The following WWOX variants were observed in gnomAD, a reference collection of about 807,000 sequenced individuals.
The protein encoded by WWOX is WW domain-containing oxidoreductase.
Under a neutral mutation model 46.2 loss-of-function variants are expected in WWOX, and 69 were observed. The ratio of observed to expected loss-of-function variants is 1.49; its 90% confidence interval spans 1.23 to 1.82. WWOX has a LOEUF of 1.82. Among genes scored for constraint, WWOX ranks in the 40% most tolerant of loss-of-function variants. WWOX has a pLI of 0.00. For synonymous variants in WWOX, 359 were observed against 202.6 expected (o/e 1.77, Z -6.56); for missense variants, 919 against 542.6 (o/e 1.69, Z -6.89).
At chr16:78,446,424 C>T (rs142854358) in intron 8 of WWOX, among the ~76,000 whole-genome samples, 265 of 152,200 alleles carry the variant, frequency 1.7e-3, no homozygotes, top group African/African-American at 6.1e-3. Flanking sequence ...CTGCCTCAGG[C>T]GGTTGTTGCA....
At chr16:78,799,373 A>G (rs2050826525) in intron 8 of WWOX, among the ~76,000 whole-genome samples, 1 of 152,212 alleles carries the variant, frequency 6.6e-6, no homozygotes, top group Non-Finnish European at 1.5e-5. Context: ...GTTAGCAAAC[A>G]CATGCTCACA....
chr16:78,932,677 G>C (rs899950194), intron 8 of WWOX, among the ~76,000 whole-genome samples: 1 of 152,216 alleles, frequency 6.6e-6, no homozygotes, highest in Admixed American at 6.5e-5. Flanking sequence ...CCCCATGGGA[G>C]GACCTGGTGG....
chr16:78,677,661 T>G (rs1389925336), intron 8 of WWOX, among the ~76,000 whole-genome samples: 2 of 152,168 alleles, frequency 1.3e-5, no homozygotes, highest in African/African-American at 2.4e-5. Context: ...TGTGGTGACT[T>G]TTTCCATCTC....
At chr16:78,947,348 C>T (rs1467903169) in intron 8 of WWOX, among the ~76,000 whole-genome samples, 2 of 151,416 alleles carry the variant, frequency 1.3e-5, no homozygotes, top group Admixed American at 1.3e-4. Flanking sequence ...TTTTTAAGCC[C>T]CTAGCTGCAT....
chr16:78,385,134 A>AACACAC (rs61262578), intron 5 of WWOX, among the ~76,000 whole-genome samples: 8,056 of 143,082 alleles, frequency 0.056, 290 homozygotes, highest in Middle Eastern at 0.1. Context: ...ACTCCATCTA[A>AACACAC]ACACACACAC....
intron 8 of WWOX, among the ~76,000 whole-genome samples, chr16:78,954,443 A>G (rs2046124266): frequency 6.6e-6 from 1 of 152,222 alleles, no homozygotes; most frequent in Non-Finnish European, 1.5e-5. Context: ...TAAATGATGC[A>G]TGGATAGATG....
At chr16:78,166,049 T>C (rs1268419300) in intron 5 of WWOX, among the ~76,000 whole-genome samples, 1 of 152,156 alleles carries the variant, frequency 6.6e-6, no homozygotes, top group African/African-American at 2.4e-5. Context: ...AATGGGAAGG[T>C]GAAAAATGAA....
chr16:79,188,555 T>C (rs2051065508), intron 8 of WWOX, among the ~76,000 whole-genome samples: 2 of 152,218 alleles, frequency 1.3e-5, no homozygotes, highest in Non-Finnish European at 2.9e-5. Flanking sequence ...TCCTTTTGTT[T>C]CACCTAATTT....
chr16:78,490,313 T>G (rs183572225), intron 8 of WWOX, among the ~76,000 whole-genome samples: 2 of 152,220 alleles, frequency 1.3e-5, no homozygotes, highest in East Asian at 3.9e-4. Flanking sequence ...TAACTCAGCG[T>G]TTAGTAACTT....
intron 8 of WWOX, among the ~76,000 whole-genome samples, chr16:78,596,186 C>G (rs953912979): frequency 6.6e-6 from 1 of 152,052 alleles, no homozygotes; most frequent in African/African-American, 2.4e-5. Flanking sequence ...GTGATATCAA[C>G]AAAACAAAAC....
chr16:79,041,705 G>T (rs796084866), intron 8 of WWOX, among the ~76,000 whole-genome samples: 1 of 152,160 alleles, frequency 6.6e-6, no homozygotes, highest in South Asian at 2.1e-4. Flanking sequence ...GCATGAGGCA[G>T]TTTGAAACTG....
Position 78,130,929 on chromosome 16 carries a change from C to T in WWOX, c.409+15775C>T, listed in dbSNP as rs953438529. The stretch of plus-strand genomic sequence containing the variant: ...GTGCAACCCTCATAGGATGTACTTA[C>T]AAATCCTACGTGGTATAACCCATTA... On this transcript the variant is annotated intron_variant, in intron 4 of 8. Coordinates refer to ENST00000566780, the MANE Select transcript of WWOX (RefSeq NM_016373.4). Among the ~76,000 whole-genome samples, 42 of 152,196 alleles carry T rather than the reference C, an allele frequency of 2.8e-4. 1 individual carries two copies. The highest frequency in any genetic ancestry group is 4.4e-5 in the Non-Finnish European group (3 of 68,036).
At chr16:78,229,603 C>T (rs955356069) in intron 5 of WWOX, among the ~76,000 whole-genome samples, 5 of 151,144 alleles carry the variant, frequency 3.3e-5, no homozygotes, top group South Asian at 2.1e-4. Flanking sequence ...TAGCTTGAGG[C>T]GATGGTAGTT....
intron 5 of WWOX, among the ~76,000 whole-genome samples, chr16:78,229,505 TCTATATAGAG>T (rs2037179078): frequency 2.0e-5 from 2 of 98,104 alleles, no homozygotes; most frequent in African/African-American, 6.8e-5. Flanking sequence ...TTTATCTATA[TCTATATAGAG>T]ATATATATAT....
chr16:78,261,788 C>CTATA (rs71384369), intron 5 of WWOX, among the ~76,000 whole-genome samples: 1,166 of 73,550 alleles, frequency 0.016, 10 homozygotes, highest in Middle Eastern at 0.037. Context: ...ATCTATCTAT[C>CTATA]TATATATATA....
At chr16:78,733,733 C>T (rs530349248) in intron 8 of WWOX, among the ~76,000 whole-genome samples, 11 of 150,690 alleles carry the variant, frequency 7.3e-5, no homozygotes, top group East Asian at 4.0e-4. Flanking sequence ...CCAGCCTGGG[C>T]GACAGAGTGA....
intron 8 of WWOX, among the ~76,000 whole-genome samples, chr16:78,498,501 G>A (rs2084975569): frequency 6.6e-6 from 1 of 152,166 alleles, no homozygotes; most frequent in Non-Finnish European, 1.5e-5. Flanking sequence ...AGCACAAGGT[G>A]TGAGGCTATT....
intron 8 of WWOX, among the ~76,000 whole-genome samples, chr16:78,874,906 G>A (rs1048137211): frequency 3.3e-5 from 5 of 152,012 alleles, no homozygotes; most frequent in African/African-American, 1.2e-4. Context: ...TCCCCTTCAA[G>A]CATAGAGACA....
At chr16:78,389,995 C>A (rs751616970) in intron 6 of WWOX, among the ~76,000 whole-genome samples, 12 of 152,208 alleles carry the variant, frequency 7.9e-5, no homozygotes, top group African/African-American at 2.7e-4. Context: ...GATCTCTCCA[C>A]CTTGGCCTCC....
Sources: allele counts gnomAD v4.1 joint callset (sites outside exome capture counted in the v4.1 genomes callset), GRCh38; gene constraint gnomAD v4.1.1; transcripts MANE v1.5; gene names NCBI Gene and HGNC (gene_info 2026-07-23, HGNC 2026-07-21).